Variants in FBXW2 observed in about 807,000 individuals in gnomAD.
The protein encoded by FBXW2 is F-box/WD repeat-containing protein 2.
Under a neutral mutation model 46.0 loss-of-function variants are expected in FBXW2, and 12 were observed. The observed-to-expected ratio is 0.26, with a 90% CI of 0.17 to 0.42. The LOEUF is 0.42. FBXW2 is among the 10% of genes least tolerant of loss of function. FBXW2 has a pLI of 1.00. For missense variants in FBXW2, 360 were observed against 537.0 expected (o/e 0.67, Z 3.26); for synonymous variants, 203 against 209.6 (o/e 0.97, Z 0.27).
At chr9:120,792,963 C>T (rs903623615) in intron 2 of FBXW2, 186 bp downstream of exon 2, 24 of 1,533,776 alleles carry the variant, frequency 1.6e-5, no homozygotes, top group Non-Finnish European at 2.1e-5. Flanking sequence ...CACACTTCAT[C>T]GTCTTTCAAA....
intron 3 of FBXW2, among the ~76,000 whole-genome samples, chr9:120,786,700 T>C (rs564389282): frequency 1.5e-3 from 221 of 152,286 alleles, no homozygotes; most frequent in Middle Eastern, 0.01. Flanking sequence ...TTATATACAA[T>C]GTAAGGAAAC....
In FBXW2 at chr9:120,759,345, T is replaced by A. The variant is rs2044162238; in HGVS notation, c.*5214A>T. Reference sequence around the variant, plus strand: ...CACAATCACTCACGGGTAAAAAGAGTGCTTCTATGATGCAAGAAAATAACT... The same window carrying A: ...CACAATCACTCACGGGTAAAAAGAGAGCTTCTATGATGCAAGAAAATAACT... On this transcript the variant is annotated 3_prime_UTR_variant, in exon 8 of 8. Coordinates refer to ENST00000608872, the MANE Select transcript of FBXW2 (RefSeq NM_012164.4). 6.6e-6 allele frequency: 1 copy of A among 152,112 alleles called. No individual in the cohort carries two copies. Among genetic ancestry groups the A allele is most frequent in the African/African-American group, 2.4e-5 (1 of 41,400 alleles). 9.4% of individuals were successfully genotyped at this position (152,112 alleles called of 1,614,324 possible).
intron 4 of FBXW2, 131 bp from the exon 5 acceptor site, chr9:120,776,357 C>G: frequency 2.0e-6 from 2 of 983,844 alleles, no homozygotes; most frequent in Non-Finnish European, 2.9e-6. Context: ...TGATGCTATT[C>G]AACTAGCAAT....
Position 120,773,733 on chromosome 9 carries a change from T to C in FBXW2, c.820-893A>G, listed in dbSNP as rs139544059. 2.6e-3 allele frequency among the ~76,000 whole-genome samples: 397 copies of C among 152,306 alleles called. 1 individual carries two copies. Among genetic ancestry groups the C allele is most frequent in the African/African-American group, 9.0e-3 (376 of 41,564 alleles). On this transcript the variant is annotated intron_variant, in intron 5 of 7. Transcript: ENST00000608872. ...GTATCAGGCACCTTGCTGGGTGCTG[T>C]CCCAACATTTCATTTCGTGTTCACA...
chr9:120,769,507 T>C (rs192853032), intron 7 of FBXW2, among the ~76,000 whole-genome samples: 3 of 152,332 alleles, frequency 2.0e-5, no homozygotes, highest in Admixed American at 2.0e-4. Flanking sequence ...CCTTTAGAGA[T>C]GCTAAGCATT....
intron 5 of FBXW2, among the ~76,000 whole-genome samples, chr9:120,775,063 CTT>C (rs112751525): frequency 5.5e-5 from 8 of 146,392 alleles, no homozygotes; most frequent in Admixed American, 2.0e-4. Context: ...CTTTCCTATA[CTT>C]TTTTTTTTTT....
intron 3 of FBXW2, among the ~76,000 whole-genome samples, chr9:120,780,925 G>C (rs892615064): frequency 6.6e-6 from 1 of 152,002 alleles, no homozygotes; most frequent in East Asian, 1.9e-4. Context: ...TTATGACCAT[G>C]CTCTATAACA....
At chr9:120,775,233 G>T (rs1005744767) in intron 5 of FBXW2, among the ~76,000 whole-genome samples, 8 of 152,046 alleles carry the variant, frequency 5.3e-5, no homozygotes, top group Non-Finnish European at 1.2e-4. Context: ...CAGTAGCGAC[G>T]GAGTTTCACC....
rs2044402863 is a variant in FBXW2 at position 120,772,566 on chromosome 9, CAAGTT to C, written c.906+183_906+187del. On this transcript the variant is annotated intron_variant, in intron 6 of 7. Transcript: ENST00000608872. ...TGAATTTCTTTTTCATTTACAAATC[CAAGTT>C]AAGAAACTACACAGGACATAGAGCT... is the stretch of plus-strand genomic sequence containing the variant. Among the ~76,000 whole-genome samples, 5 of 152,208 alleles carry C rather than the reference CAAGTT, an allele frequency of 3.3e-5. No individual in the cohort carries two copies. The South Asian group carries it at 1.0e-3, about 32-fold the overall frequency.
chr9:120,761,566 C>T lies in FBXW2; in HGVS notation c.*2993G>A, dbSNP rs1161052361. ...ATCCCCTATCCACTTCTCATTCTGA[C>T]TCCCCACTTTGCTTTCTTTTGCAAA... On this transcript the variant is annotated 3_prime_UTR_variant, in exon 8 of 8. Coordinates refer to ENST00000608872, the MANE Select transcript of FBXW2 (RefSeq NM_012164.4). 1 of 152,228 alleles carries T rather than the reference C, an allele frequency of 6.6e-6. No homozygotes were observed. Among genetic ancestry groups the T allele is most frequent in the East Asian group, 1.9e-4 (1 of 5,200 alleles). 9.4% of individuals were successfully genotyped at this position (152,228 alleles called of 1,614,324 possible). A position where few individuals can be genotyped will look rare whatever the true frequency, so the allele number is the denominator to read the frequency against.
intron 5 of FBXW2, 85 bp from the exon 6 acceptor site, chr9:120,772,925 G>T (rs2044410651): frequency 1.0e-6 from 1 of 954,984 alleles, no homozygotes; most frequent in African/African-American, 1.7e-5. Context: ...ATACAAAAAT[G>T]AGCTTAACAT....
At chr9:120,769,716 C>T (rs12376644) in intron 7 of FBXW2, among the ~76,000 whole-genome samples, 18,335 of 152,218 alleles carry the variant, frequency 0.12, 1,260 homozygotes, top group Middle Eastern at 0.17. Context: ...TTTCTAGTAC[C>T]ATAAGTATAT....
intron 5 of FBXW2, 124 bp downstream of exon 5, chr9:120,775,969 T>C: frequency 8.7e-7 from 1 of 1,146,822 alleles, no homozygotes. Context: ...TGTACCATTA[T>C]GCTTTGTAGG....
rs1454121217 is a variant in FBXW2 at position 120,761,686 on chromosome 9, A to G, written c.*2873T>C. ...AGTTGAATAAAATCTCAGGCCAAATAAAGGCCTCCATAAGGAAGAACTGAC... is the reference window on the plus strand; with the variant it reads ...AGTTGAATAAAATCTCAGGCCAAATGAAGGCCTCCATAAGGAAGAACTGAC... On this transcript the variant is annotated 3_prime_UTR_variant, in exon 8 of 8. Transcript: ENST00000608872. 1 of 152,208 alleles carries G rather than the reference A, an allele frequency of 6.6e-6. No individual in the cohort carries two copies. Among genetic ancestry groups the G allele is most frequent in the African/African-American group, 2.4e-5 (1 of 41,452 alleles). 9.4% of individuals were successfully genotyped at this position (152,208 alleles called of 1,614,324 possible).
intron 3 of FBXW2, among the ~76,000 whole-genome samples, chr9:120,787,124 G>A (rs2044739247): frequency 6.6e-6 from 1 of 152,194 alleles, no homozygotes; most frequent in African/African-American, 2.4e-5. Flanking sequence ...CGCCTCCCGG[G>A]TTCAAGCGAT....
intron 7 of FBXW2, among the ~76,000 whole-genome samples, chr9:120,766,079 G>A (rs998271850): frequency 2.6e-5 from 4 of 152,142 alleles, no homozygotes; most frequent in Non-Finnish European, 4.4e-5. Context: ...GACATATGGT[G>A]GGGCTCCTGT....
intron 7 of FBXW2, among the ~76,000 whole-genome samples, chr9:120,770,143 G>A (rs555662375): frequency 5.9e-5 from 9 of 152,280 alleles, no homozygotes; most frequent in African/African-American, 2.2e-4. Context: ...TTGGGAGGCC[G>A]AGGCGGGTGG....
rs1343364206 is a variant in FBXW2 at position 120,759,644 on chromosome 9, G to A, written c.*4915C>T. The A allele has an allele frequency of 1.3e-5, 2 of 152,170 alleles. No homozygotes were observed. The highest frequency in any genetic ancestry group is 2.9e-5 in the Non-Finnish European group (2 of 68,044). The allele number at this position is 152,170 out of a possible 1,614,324, so 9.4% of individuals were successfully genotyped here. On this transcript the variant is annotated 3_prime_UTR_variant, in exon 8 of 8. Transcript: ENST00000608872. ...TGCCTGTTCACAATCTGAGTACAAA[G>A]ACACCAAAACATGAGCTTTTATCAT...
At chr9:120,783,440 A>G (rs540970469) in intron 3 of FBXW2, among the ~76,000 whole-genome samples, 1 of 152,288 alleles carries the variant, frequency 6.6e-6, no homozygotes, top group East Asian at 1.9e-4. Flanking sequence ...CCCATTCAGT[A>G]TCTTAAAAAT....
Sources: allele counts gnomAD v4.1 joint callset (sites outside exome capture counted in the v4.1 genomes callset), GRCh38; gene constraint gnomAD v4.1.1; transcripts MANE v1.5; gene names NCBI Gene and HGNC (gene_info 2026-07-23, HGNC 2026-07-21).